STOX2: variants seen among roughly 807,000 people sequenced by gnomAD.
The protein encoded by STOX2 is storkhead box 2, also known as storkhead-box protein 2.
STOX2 carries 28 observed loss-of-function variants against 60.9 expected under a neutral mutation model. That is an observed-to-expected ratio of 0.46 (90% confidence interval 0.34 to 0.63). The LOEUF is 0.63. Among genes scored for constraint, STOX2 ranks in the 30% least tolerant of loss-of-function variants. STOX2 has a pLI of 0.01. For missense variants in STOX2, 1,024 were observed against 1,187.7 expected, an observed-to-expected ratio of 0.86 and a Z score of 2.03; for synonymous variants, 472 against 463.9, an observed-to-expected ratio of 1.02 and a Z score of -0.22.
chr4:184,002,999 T>G (rs1262289769), intron 2 of STOX2, among the ~76,000 whole-genome samples: 2 of 152,260 alleles, frequency 1.3e-5, no homozygotes, highest in Non-Finnish European at 2.9e-5. Flanking sequence ...TCTCTGAATA[T>G]TCTTCACTGT....
intron 1 of STOX2, among the ~76,000 whole-genome samples, chr4:183,810,600 T>A (rs1579290694): frequency 6.6e-6 from 1 of 152,186 alleles, no homozygotes; most frequent in East Asian, 1.9e-4. Context: ...TGCAACAGCG[T>A]TGACAGGTGG....
intron 1 of STOX2, among the ~76,000 whole-genome samples, chr4:183,958,444 T>A (rs888328445): frequency 1.4e-4 from 21 of 152,208 alleles, no homozygotes; most frequent in African/African-American, 5.1e-4. Flanking sequence ...CCCTCTGTGG[T>A]TGGCTTTTCC....
chr4:183,895,006 C>A (rs951998683), intron 1 of STOX2, among the ~76,000 whole-genome samples: 1 of 152,138 alleles, frequency 6.6e-6, no homozygotes, highest in Non-Finnish European at 1.5e-5. Context: ...TTGGATGACA[C>A]AAACAACAAT....
At chr4:183,977,139 C>G (rs1241689461) in intron 1 of STOX2, among the ~76,000 whole-genome samples, 1 of 152,104 alleles carries the variant, frequency 6.6e-6, no homozygotes, top group Non-Finnish European at 1.5e-5. Flanking sequence ...GTCACCCAAA[C>G]AGTGTACATT....
chr4:184,005,206 T>C (rs952937046), intron 2 of STOX2, among the ~76,000 whole-genome samples: 2 of 152,188 alleles, frequency 1.3e-5, no homozygotes, highest in African/African-American at 4.8e-5. Context: ...ACACCTATAA[T>C]CCCAGCAATT....
At chr4:183,919,806 G>C (rs1338546082) in intron 1 of STOX2, among the ~76,000 whole-genome samples, 2 of 152,116 alleles carry the variant, frequency 1.3e-5, no homozygotes, top group Admixed American at 6.5e-5. Context: ...GTCTTGCCGT[G>C]TTACCCAGGC....
At chr4:183,831,989 C>CTTTTT (rs11310177) in intron 1 of STOX2, among the ~76,000 whole-genome samples, 1 of 135,816 alleles carries the variant, frequency 7.4e-6, no homozygotes, top group African/African-American at 2.7e-5. Flanking sequence ...TCTTCTTCTT[C>CTTTTT]TTTTTTTTTT....
rs536494466 is a variant in STOX2 at position 183,986,832 on chromosome 4, G to C, written c.167-14493G>C. Among the ~76,000 whole-genome samples the C allele has an allele frequency of 2.0e-3, 299 of 152,304 alleles. 3 individuals carry two copies. Among genetic ancestry groups the C allele is most frequent in the East Asian group, 1.7e-3 (9 of 5,178 alleles). On this transcript the variant is annotated intron_variant, in intron 1 of 3. Coordinates refer to ENST00000308497, the MANE Select transcript of STOX2 (RefSeq NM_020225.3). ...GTTCTGGAGGACAGGCTGAATCACC[G>C]GAGTCAGGAGAGGATAGGACGCTTT...
At chr4:183,860,749 C>T (rs969577779) in intron 1 of STOX2, among the ~76,000 whole-genome samples, 3 of 152,124 alleles carry the variant, frequency 2.0e-5, no homozygotes, top group Admixed American at 6.5e-5. Flanking sequence ...TTGTGGCTGT[C>T]ATCAAAGTTC....
intron 1 of STOX2, among the ~76,000 whole-genome samples, chr4:183,949,763 A>G (rs1470491017): frequency 6.6e-6 from 1 of 152,124 alleles, no homozygotes; most frequent in Admixed American, 6.5e-5. Context: ...TTTTTGCAAG[A>G]TATTTTTATA....
chr4:183,851,081 AG>A (rs1560845413), intron 1 of STOX2, among the ~76,000 whole-genome samples: 44 of 59,360 alleles, frequency 7.4e-4, no homozygotes, highest in African/African-American at 2.8e-3. Context: ...AAAGGATGAG[AG>A]AAAGGATGAG....
At chr4:183,871,740 C>T (rs1482304241) in intron 1 of STOX2, among the ~76,000 whole-genome samples, 2 of 151,984 alleles carry the variant, frequency 1.3e-5, no homozygotes, top group East Asian at 3.9e-4. Context: ...CCACCTCAGG[C>T]CCAGTTCTTT....
chr4:183,978,548 A>G (rs1732533572), intron 1 of STOX2, among the ~76,000 whole-genome samples: 1 of 152,116 alleles, frequency 6.6e-6, no homozygotes, highest in South Asian at 2.1e-4. Flanking sequence ...TGCCTCCAGA[A>G]ACTAACAAAG....
At chr4:183,939,624 T>C (rs559594904) in intron 1 of STOX2, among the ~76,000 whole-genome samples, 2 of 152,086 alleles carry the variant, frequency 1.3e-5, no homozygotes, top group African/African-American at 4.8e-5. Flanking sequence ...AATCACTATT[T>C]ATTGAGTGTT....
intron 1 of STOX2, 93 bp downstream of exon 1, chr4:183,907,049 G>A: frequency 9.1e-7 from 1 of 1,093,760 alleles, no homozygotes; most frequent in South Asian, 1.6e-5. Flanking sequence ...AGGACGGGCA[G>A]TGATGGATGC....
chr4:183,990,221 C>T (rs1004001407), intron 1 of STOX2, among the ~76,000 whole-genome samples: 2 of 152,178 alleles, frequency 1.3e-5, no homozygotes. Flanking sequence ...TCAATTCTAC[C>T]CATCCTTAAG....
At chr4:183,822,596 C>T (rs765827510) in intron 1 of STOX2, among the ~76,000 whole-genome samples, 4 of 152,182 alleles carry the variant, frequency 2.6e-5, no homozygotes, top group Non-Finnish European at 5.9e-5. Context: ...AAAGGGTTCA[C>T]GCTCCCATGA....
At chr4:183,978,780 C>A (rs1732541284) in intron 1 of STOX2, among the ~76,000 whole-genome samples, 1 of 151,970 alleles carries the variant, frequency 6.6e-6, no homozygotes, top group African/African-American at 2.4e-5. Context: ...AATAACATAC[C>A]AGTGGTTTCC....
chr4:183,974,766 A>G (rs1409187342), intron 1 of STOX2, among the ~76,000 whole-genome samples: 2 of 152,220 alleles, frequency 1.3e-5, no homozygotes, highest in East Asian at 3.8e-4. Context: ...GCTTCAACAC[A>G]GCTCCCCCAA....
Sources: gnomAD v4.1 joint callset for allele counts (sites outside exome capture counted in the v4.1 genomes callset) on GRCh38, gnomAD v4.1.1 for gene constraint, MANE v1.5 for transcripts, NCBI Gene and HGNC (gene_info 2026-07-23, HGNC 2026-07-21) for gene names.